GPHN: variants seen among roughly 807,000 people sequenced by gnomAD.
The protein encoded by GPHN is gephyrin.
GPHN carries 17 observed loss-of-function variants against 95.5 expected under a neutral mutation model. The ratio of observed to expected loss-of-function variants is 0.18; its 90% CI spans 0.12 to 0.27. The LOEUF is 0.27. Among genes scored for constraint, GPHN ranks in the 10% least tolerant of loss-of-function variants. The pLI, the probability that GPHN is intolerant of heterozygous loss-of-function variation, is 1.00. For missense variants in GPHN, 660 were observed against 978.1 expected (o/e 0.67, Z 4.34); for synonymous variants, 320 against 322.5 (o/e 0.99, Z 0.08).
the GPHN span, chr14:67,690,170 C>T: frequency 1.3e-6 from 2 of 1,569,794 alleles, no homozygotes; most frequent in East Asian, 2.2e-5. Context: ...TTACCTGCCT[C>T]TCTCTGACTC....
At chr14:67,177,836 C>T (rs2083084704) in intron 21 of GPHN, among the ~76,000 whole-genome samples, 1 of 152,208 alleles carries the variant, frequency 6.6e-6, no homozygotes, top group South Asian at 2.1e-4. Context: ...TAAGTAATGG[C>T]CTTCTTTGTC....
At chr14:67,733,629 T>C in the GPHN span, 1 of 696,970 alleles carries the variant, frequency 1.4e-6, no homozygotes, top group South Asian at 1.5e-5. Flanking sequence ...TTAGTTTCTT[T>C]GAGTCTGGCA....
chr14:66,778,934 A>C (rs933268197), intron 3 of GPHN, among the ~76,000 whole-genome samples: 2 of 151,378 alleles, frequency 1.3e-5, no homozygotes, highest in Non-Finnish European at 2.9e-5. Context: ...AGTAGAGATA[A>C]ATTTTCTTCA....
intron 1 of GPHN, among the ~76,000 whole-genome samples, chr14:66,623,936 A>C (rs10131927): frequency 0.072 from 10,911 of 152,160 alleles, 973 homozygotes; most frequent in African/African-American, 0.2. Flanking sequence ...TGCTTTCCAA[A>C]TATCAGAAGC....
At chr14:66,622,460 T>G (rs2063349199) in intron 1 of GPHN, among the ~76,000 whole-genome samples, 2 of 152,214 alleles carry the variant, frequency 1.3e-5, no homozygotes, top group Admixed American at 1.3e-4. Context: ...TCATTACTTT[T>G]GCAAATTTCT....
chr14:66,795,391 T>C (rs1005327599), intron 3 of GPHN, among the ~76,000 whole-genome samples: 1 of 152,178 alleles, frequency 6.6e-6, no homozygotes, highest in African/African-American at 2.4e-5. Flanking sequence ...TGTTTTGCAC[T>C]CACTGTATTT....
chr14:67,232,059 A>T, the GPHN span, among the ~76,000 whole-genome samples: 2 of 152,292 alleles, frequency 1.3e-5, no homozygotes, highest in East Asian at 3.9e-4. Context: ...ATATGTCTAC[A>T]AATGCTTTAT....
the GPHN span, chr14:67,323,695 T>A: frequency 7.1e-7 from 1 of 1,399,862 alleles, no homozygotes; most frequent in South Asian, 1.3e-5. Context: ...AAAATGTCTC[T>A]TTACAGTCAT....
chr14:67,600,824 C>G, the GPHN span, among the ~76,000 whole-genome samples: 2 of 152,190 alleles, frequency 1.3e-5, no homozygotes, highest in African/African-American at 4.8e-5. Flanking sequence ...GGTGATTCGC[C>G]CGCCTCGGCC....
chr14:67,020,989 A>G (rs1257278831), intron 9 of GPHN, among the ~76,000 whole-genome samples: 2 of 152,160 alleles, frequency 1.3e-5, no homozygotes, highest in Non-Finnish European at 2.9e-5. Context: ...CCTTCTTTAT[A>G]GTCCATAAGA....
intron 3 of GPHN, among the ~76,000 whole-genome samples, chr14:66,818,427 T>C (rs55982076): frequency 0.019 from 2,903 of 152,226 alleles, 107 homozygotes; most frequent in African/African-American, 0.066. Flanking sequence ...GCAAAGAACA[T>C]GATCTCATTG....
the GPHN span, among the ~76,000 whole-genome samples, chr14:67,452,513 T>C: frequency 6.6e-6 from 1 of 152,168 alleles, no homozygotes; most frequent in Non-Finnish European, 1.5e-5. Context: ...GCTATGTCTT[T>C]ATCAGCAGCA....
chr14:67,689,944 CA>C, the GPHN span: 16,147 of 294,696 alleles, frequency 0.055, no homozygotes, highest in South Asian at 0.091. Context: ...GATCCCGTCT[CA>C]AAAAAAAAAA....
rs192907636 is a variant in GPHN at position 66,612,877 on chromosome 14, A to T, written c.65-68230A>T. Among the ~76,000 whole-genome samples, 215 of 152,260 alleles carry T rather than the reference A, an allele frequency of 1.4e-3. 5 individuals are homozygous for T. The highest frequency in any genetic ancestry group is 1.9e-4 in the Non-Finnish European group (13 of 67,994). On this transcript the variant is annotated intron_variant, in intron 1 of 22. Transcript: ENST00000478722. The stretch of plus-strand genomic sequence containing the variant: ...ATCTCTTATTATTGCTTGGAACAAT[A>T]GTCCATTCCATTTTATTACTTAGTA...
intron 19 of GPHN, among the ~76,000 whole-genome samples, chr14:67,161,915 C>A (rs116987573): frequency 6.6e-6 from 1 of 152,142 alleles, no homozygotes; most frequent in Non-Finnish European, 1.5e-5. Context: ...TTATTTACCA[C>A]TCACTTCAAC....
chr14:67,027,903 T>C (rs1303639722), intron 10 of GPHN, among the ~76,000 whole-genome samples: 1 of 152,214 alleles, frequency 6.6e-6, no homozygotes, highest in African/African-American at 2.4e-5. Flanking sequence ...TCCTATATTA[T>C]AGTTATTTTG....
intron 9 of GPHN, among the ~76,000 whole-genome samples, chr14:67,011,409 C>CAA (rs1224027486): frequency 2.4e-5 from 3 of 123,138 alleles, no homozygotes; most frequent in Admixed American, 8.4e-5. Context: ...CCCACCTCTA[C>CAA]AAAAAAAAAA....
At chr14:66,794,442 G>T (rs973395674) in intron 3 of GPHN, among the ~76,000 whole-genome samples, 1 of 152,072 alleles carries the variant, frequency 6.6e-6, no homozygotes, top group African/African-American at 2.4e-5. Flanking sequence ...AGTTAAACCT[G>T]TTTTCTCTAT....
Position 67,006,342 on chromosome 14 carries a change from G to A in GPHN, c.964-17291G>A, listed in dbSNP as rs534062177. 3.5e-4 allele frequency among the ~76,000 whole-genome samples: 53 copies of A among 152,080 alleles called. No individual in the cohort carries two copies. In the South Asian group the frequency reaches 0.011, roughly 30 times the overall value. ...AAAAAGGGTCTATTTTCGAAATTTTGTTCATACCATTCTGCACCCAGTATT... is the reference window on the plus strand; with the variant it reads ...AAAAAGGGTCTATTTTCGAAATTTTATTCATACCATTCTGCACCCAGTATT... On this transcript the variant is annotated intron_variant, in intron 9 of 22. Transcript: ENST00000478722.
Sources: allele counts gnomAD v4.1 joint callset (sites outside exome capture counted in the v4.1 genomes callset), GRCh38; gene constraint gnomAD v4.1.1; transcripts MANE v1.5; gene names NCBI Gene and HGNC (gene_info 2026-07-23, HGNC 2026-07-21).